DSCAM: variants seen among roughly 807,000 people sequenced by gnomAD.
The protein encoded by DSCAM is DS cell adhesion molecule.
In DSCAM, 47 loss-of-function variants were observed where a neutral mutation model predicts 217.7. The observed-to-expected ratio is 0.22, with a 90% CI of 0.17 to 0.28. The LOEUF (loss-of-function observed/expected upper bound fraction) is 0.28. DSCAM is among the 10% of genes least tolerant of loss of function. DSCAM has a pLI of 1.00. For missense variants in DSCAM, 2,080 were observed against 2,618.3 expected, an observed-to-expected ratio of 0.79 and a Z score of 4.49; for synonymous variants, 1,056 against 1,015.3, an observed-to-expected ratio of 1.04 and a Z score of -0.76.
At chr21:40,357,128 G>T (rs2074702234) in intron 4 of DSCAM, among the ~76,000 whole-genome samples, 1 of 152,118 alleles carries the variant, frequency 6.6e-6, no homozygotes, top group African/African-American at 2.4e-5. Context: ...TCATATGCAT[G>T]ACTATAGGGC....
intron 3 of DSCAM, among the ~76,000 whole-genome samples, chr21:40,597,103 C>T (rs1319986819): frequency 6.6e-6 from 1 of 152,100 alleles, no homozygotes; most frequent in Non-Finnish European, 1.5e-5. Context: ...ATCACATTTT[C>T]AGAAACCCAA....
At chr21:40,192,788 C>CA (rs2090965919) in intron 11 of DSCAM, among the ~76,000 whole-genome samples, 1 of 152,134 alleles carries the variant, frequency 6.6e-6, no homozygotes. Flanking sequence ...TTGCAGCACA[C>CA]GGATATACTG....
At chr21:40,137,943 A>C (rs1601370415) in intron 18 of DSCAM, among the ~76,000 whole-genome samples, 2 of 152,316 alleles carry the variant, frequency 1.3e-5, no homozygotes, top group South Asian at 4.1e-4. Flanking sequence ...GGAAGTTAGC[A>C]AAAATTCAGA....
chr21:40,397,393 A>C (rs2075189120), intron 3 of DSCAM, among the ~76,000 whole-genome samples: 1 of 150,092 alleles, frequency 6.7e-6, no homozygotes, highest in African/African-American at 2.5e-5. Flanking sequence ...ACTCCCTCTC[A>C]CTCTCTCCCT....
chr21:40,052,619 A>G (rs2088951634), intron 29 of DSCAM, among the ~76,000 whole-genome samples: 1 of 152,226 alleles, frequency 6.6e-6, no homozygotes, highest in Admixed American at 6.5e-5. Flanking sequence ...GAGGGGAAAT[A>G]AAAGAGAAGA....
intron 1 of DSCAM, among the ~76,000 whole-genome samples, chr21:40,738,283 C>G (rs1213406383): frequency 2.0e-5 from 3 of 152,228 alleles, no homozygotes; most frequent in African/African-American, 7.2e-5. Context: ...CATGCCAATG[C>G]ATGAAATTCT....
At chr21:40,685,329 C>T (rs142761912) in intron 3 of DSCAM, among the ~76,000 whole-genome samples, 2,269 of 152,212 alleles carry the variant, frequency 0.015, 57 homozygotes, top group African/African-American at 0.051. Context: ...ATATTGGCAG[C>T]GTTCCCACCA....
chr21:40,255,674 A>G (rs1462318135), intron 11 of DSCAM, among the ~76,000 whole-genome samples: 1 of 152,230 alleles, frequency 6.6e-6, no homozygotes, highest in African/African-American at 2.4e-5. Flanking sequence ...AACAGAACAG[A>G]AGGAGAGTCA....
intron 1 of DSCAM, among the ~76,000 whole-genome samples, chr21:40,713,908 TGTCTCGGG>T (rs1055572738): frequency 1.1e-4 from 16 of 152,328 alleles, no homozygotes; most frequent in African/African-American, 3.8e-4. Context: ...CTACCCAAGC[TGTCTCGGG>T]ACCTATCCGC....
rs937984059 is a variant in DSCAM at position 40,629,093 on chromosome 21, G to A, written c.508+63717C>T. On this transcript the variant is annotated intron_variant, in intron 3 of 32. Transcript: ENST00000400454. The stretch of plus-strand genomic sequence containing the variant: ...GTGTGTGTGGTGTGTGTGTGTGTGT[G>A]TGTGTGTGTGTGTGTGTGTGTGTGT... Among the ~76,000 whole-genome samples the A allele has an allele frequency of 1.0e-4, 11 of 104,812 alleles. No individual in the cohort carries two copies. In the East Asian group the frequency reaches 2.2e-3, roughly 21 times the overall value. 68.8% of individuals were successfully genotyped at this position (104,812 alleles called of 152,430 possible). A position where few individuals can be genotyped will look rare whatever the true frequency, so the allele number is the denominator to read the frequency against.
At chr21:40,565,031 A>G (rs2076754044) in intron 3 of DSCAM, among the ~76,000 whole-genome samples, 1 of 152,184 alleles carries the variant, frequency 6.6e-6, no homozygotes, top group African/African-American at 2.4e-5. Flanking sequence ...TGCCATTTCC[A>G]AAATACTTTA....
At chr21:40,194,102 G>A (rs914846135) in intron 11 of DSCAM, among the ~76,000 whole-genome samples, 2 of 152,134 alleles carry the variant, frequency 1.3e-5, no homozygotes, top group African/African-American at 4.8e-5. Context: ...TAGACCTCTG[G>A]TTTGTTTATG....
chr21:40,145,995 T>C (rs2090352112), intron 16 of DSCAM, among the ~76,000 whole-genome samples: 1 of 150,448 alleles, frequency 6.6e-6, no homozygotes, highest in Non-Finnish European at 1.5e-5. Flanking sequence ...TGTATACATG[T>C]ACATATGTAT....
rs566127971 is a variant in DSCAM, at chr21:40,053,399, C to T, written c.5036-1292G>A. Among the ~76,000 whole-genome samples the T allele has an allele frequency of 3.9e-5, 6 of 152,274 alleles. No individual in the cohort carries two copies. The South Asian group carries it at 1.2e-3, about 32-fold the overall frequency. On this transcript the variant is annotated intron_variant, in intron 29 of 32. Coordinates refer to ENST00000400454, the MANE Select transcript of DSCAM (RefSeq NM_001389.5). The stretch of plus-strand genomic sequence containing the variant: ...CAGAGACAGCTTCCTACAACTGGAC[C>T]CAGCACGAGAGGCTCCGTGTCTACA...
At chr21:40,228,334 G>A (rs1436338383) in intron 11 of DSCAM, among the ~76,000 whole-genome samples, 2 of 152,144 alleles carry the variant, frequency 1.3e-5, no homozygotes, top group Non-Finnish European at 2.9e-5. Context: ...TCTTCTTGAG[G>A]TGGTATATCT....
intron 3 of DSCAM, among the ~76,000 whole-genome samples, chr21:40,604,173 T>A (rs2077084486): frequency 6.6e-6 from 1 of 152,124 alleles, no homozygotes; most frequent in South Asian, 2.1e-4. Context: ...TCTCCTGACG[T>A]ATCTTCAAGC....
At chr21:40,740,884 CAGA>C (rs2091117059) in intron 1 of DSCAM, among the ~76,000 whole-genome samples, 1 of 152,210 alleles carries the variant, frequency 6.6e-6, no homozygotes, top group East Asian at 1.9e-4. Context: ...ATGCTAAGCT[CAGA>C]AGATCTCAGA....
intron 27 of DSCAM, among the ~76,000 whole-genome samples, chr21:40,069,245 A>T (rs990902753): frequency 6.6e-6 from 1 of 152,234 alleles, no homozygotes; most frequent in African/African-American, 2.4e-5. Context: ...GGGAAGCATT[A>T]GTAGCCTGTG....
intron 27 of DSCAM, among the ~76,000 whole-genome samples, chr21:40,064,836 T>G (rs977188897): frequency 6.6e-6 from 1 of 152,194 alleles, no homozygotes; most frequent in African/African-American, 2.4e-5. Context: ...TTTGTATTAC[T>G]GACCTGAAAG....
Sources: gnomAD v4.1 joint callset for allele counts (sites outside exome capture counted in the v4.1 genomes callset) on GRCh38, gnomAD v4.1.1 for gene constraint, MANE v1.5 for transcripts, NCBI Gene and HGNC (gene_info 2026-07-23, HGNC 2026-07-21) for gene names.